The following RBFOX3 variants were observed in gnomAD, a reference collection of about 807,000 sequenced individuals.
The protein encoded by RBFOX3 is RNA binding fox-1 homolog 3.
In RBFOX3, 17 loss-of-function variants were observed where a neutral mutation model predicts 48.7. The ratio of observed to expected loss-of-function variants is 0.35; its 90% confidence interval spans 0.24 to 0.52. The LOEUF (loss-of-function observed/expected upper bound fraction) is 0.52, where lower values mean the gene tolerates loss of function less well. Ranked by LOEUF, RBFOX3 falls within the 20% of genes least tolerant of loss-of-function variation. The pLI is 0.94. For missense variants in RBFOX3, 382 were observed against 497.5 expected (o/e 0.77, Z 2.21); for synonymous variants, 212 against 209.5 (o/e 1.01, Z -0.10).
At chr17:79,619,682 A>G in the RBFOX3 span, among the ~76,000 whole-genome samples, 1 of 152,064 alleles carries the variant, frequency 6.6e-6, no homozygotes, top group Non-Finnish European at 1.5e-5. Flanking sequence ...AGGGCTTGTG[A>G]AGGGACTCAG....
intron 5 of RBFOX3, among the ~76,000 whole-genome samples, chr17:79,112,877 C>G (rs1326468314): frequency 8.3e-6 from 1 of 120,046 alleles, no homozygotes; most frequent in African/African-American, 3.2e-5. Context: ...GTGCCCTGAC[C>G]TGGTGCCAAC....
In RBFOX3 at chr17:79,199,657, G is replaced by T. The variant is rs549852573; in HGVS notation, c.-34+36109C>A. On this transcript the variant is annotated intron_variant, in intron 4 of 14. Transcript: ENST00000693108. This position sits in a 1 kb window ranked among gnomAD's most constrained non-coding sequence, Gnocchi z 5.1. ...TTTAATTAAACTCCAATAAAAGTGA[G>T]GCTCAGTCCCTTTGTTGCATGAGCT... Among the ~76,000 whole-genome samples, 1 of 152,174 alleles carries T rather than the reference G, an allele frequency of 6.6e-6. No homozygotes were observed. Among genetic ancestry groups the T allele is most frequent in the Non-Finnish European group, 1.5e-5 (1 of 68,028 alleles).
intron 2 of RBFOX3, among the ~76,000 whole-genome samples, chr17:79,478,313 CG>C (rs1469163100): frequency 1.3e-5 from 2 of 152,146 alleles, no homozygotes; most frequent in African/African-American, 2.4e-5. Context: ...GGGTGGGGGC[CG>C]GGGTGGATGG....
chr17:79,356,676 A>AT lies in RBFOX3; in HGVS notation c.-174-48853dup, dbSNP rs58753103. 7.2e-3 allele frequency among the ~76,000 whole-genome samples: 1,055 copies of AT among 147,312 alleles called. 13 individuals are homozygous for AT. Among genetic ancestry groups the AT allele is most frequent in the Admixed American group, 0.012 (177 of 14,848 alleles). Reference sequence around the variant, plus strand: ...GAGCCACTGTGCCCAGCCAGTTTTGATTTTTTTTTTTATGCCATCAGAGAA... The same window carrying AT: ...GAGCCACTGTGCCCAGCCAGTTTTGATTTTTTTTTTTTATGCCATCAGAGAA... On this transcript the variant is annotated intron_variant, in intron 2 of 14. Transcript: ENST00000693108.
chr17:79,536,108 ACT>A (rs2088693045), intron 1 of RBFOX3, among the ~76,000 whole-genome samples: 1 of 151,976 alleles, frequency 6.6e-6, no homozygotes, highest in African/African-American at 2.4e-5. Context: ...AGACACCCTC[ACT>A]CTGTCACCCA....
At chr17:79,246,707 T>G (rs974759288) in intron 3 of RBFOX3, among the ~76,000 whole-genome samples, 2 of 152,150 alleles carry the variant, frequency 1.3e-5, no homozygotes, top group East Asian at 3.9e-4. Flanking sequence ...CCGACATCCC[T>G]TGGAGAGATG....
chr17:79,181,109 T>C (rs1045232920), intron 4 of RBFOX3, among the ~76,000 whole-genome samples: 4 of 152,176 alleles, frequency 2.6e-5, no homozygotes, highest in African/African-American at 9.7e-5. Context: ...CTCTACTTCA[T>C]CTTAACTCAG....
At chr17:79,226,542 C>A (rs2060329824) in intron 4 of RBFOX3, among the ~76,000 whole-genome samples, 2 of 152,212 alleles carry the variant, frequency 1.3e-5, no homozygotes, top group African/African-American at 2.4e-5. Context: ...TGTGACTGCA[C>A]CCAGTGTGTC....
intron 1 of RBFOX3, among the ~76,000 whole-genome samples, chr17:79,580,262 GTCCTCCTCCTCCCCCCCCA>G (rs1463022912): frequency 4.5e-4 from 14 of 30,958 alleles, no homozygotes; most frequent in African/African-American, 1.6e-3. Context: ...TCCTCCCCCC[GTCCTCCTCCTCCCCCCCCA>G]TCCTCCTCCT....
At chr17:79,130,368 G>A (rs773252268) in intron 4 of RBFOX3, among the ~76,000 whole-genome samples, 5 of 152,172 alleles carry the variant, frequency 3.3e-5, no homozygotes, top group Non-Finnish European at 5.9e-5. Context: ...CTGTGGGTGA[G>A]CAGGGCTCCG....
Position 79,222,130 on chromosome 17 carries a change from C to T in RBFOX3, c.-34+13636G>A, listed in dbSNP as rs8080803. ...TTTCTACTGCTGCTTGATTTCTACC[C>T]GCAGCCTGATTTCTACCTGCTGCCT... On this transcript the variant is annotated intron_variant, in intron 4 of 14. Coordinates refer to ENST00000693108, the MANE Select transcript of RBFOX3 (RefSeq NM_001350451.2). Among the ~76,000 whole-genome samples, 195 of 112,708 alleles carry T rather than the reference C, an allele frequency of 1.7e-3. 1 individual carries two copies. Among genetic ancestry groups the T allele is most frequent in the African/African-American group, 0.012 (180 of 15,606 alleles). 73.9% of individuals were successfully genotyped at this position (112,708 alleles called of 152,430 possible). A position where few individuals can be genotyped will look rare whatever the true frequency, so the allele number is the denominator to read the frequency against.
intron 1 of RBFOX3, among the ~76,000 whole-genome samples, chr17:79,520,903 T>C (rs1270790756): frequency 6.6e-6 from 1 of 152,228 alleles, no homozygotes. Flanking sequence ...ACACGAATTA[T>C]AGTCCTCAGA....
At chr17:79,567,564 G>C (rs1334387780) in intron 1 of RBFOX3, among the ~76,000 whole-genome samples, 6 of 147,430 alleles carry the variant, frequency 4.1e-5, no homozygotes, top group Non-Finnish European at 8.9e-5. Context: ...TAAATGACAG[G>C]TTTCCCTGAT....
At chr17:79,497,490 A>G (rs1381390890) in intron 1 of RBFOX3, among the ~76,000 whole-genome samples, 2 of 152,176 alleles carry the variant, frequency 1.3e-5, no homozygotes, top group African/African-American at 4.8e-5. Flanking sequence ...AAAGTGTCTC[A>G]TACGTAGTAC....
At chr17:79,321,901 T>TTAG (rs1555668739) in intron 2 of RBFOX3, among the ~76,000 whole-genome samples, 19 of 152,122 alleles carry the variant, frequency 1.2e-4, no homozygotes, top group Non-Finnish European at 2.5e-4. Flanking sequence ...AGATGGGGTT[T>TTAG]CACCATGTTG....
At chr17:79,511,376 G>A (rs1180006411) in intron 1 of RBFOX3, among the ~76,000 whole-genome samples, 1 of 152,180 alleles carries the variant, frequency 6.6e-6, no homozygotes, top group Non-Finnish European at 1.5e-5. Context: ...CGGGGCTGGG[G>A]ACACAAAGAC....
In RBFOX3 at chr17:79,315,078, A is replaced by C. The variant is rs575048240; in HGVS notation, c.-174-7254T>G. Among the ~76,000 whole-genome samples, 8 of 152,288 alleles carry C rather than the reference A, an allele frequency of 5.3e-5. No homozygotes were observed. The South Asian group carries it at 1.7e-3, about 32-fold the overall frequency. ...CCCGCTGCAGGAGTGAGAGACCCTG[A>C]TTATACATGCGTGACACAAAGCTGG... On this transcript the variant is annotated intron_variant, in intron 2 of 14. Coordinates refer to ENST00000693108, the MANE Select transcript of RBFOX3 (RefSeq NM_001350451.2).
the RBFOX3 span, among the ~76,000 whole-genome samples, chr17:79,628,363 G>A: frequency 6.6e-6 from 1 of 152,134 alleles, no homozygotes; most frequent in African/African-American, 2.4e-5. Flanking sequence ...CCCCTGGATT[G>A]TGGGACACCA....
chr17:79,169,101 A>C (rs2048615780), intron 4 of RBFOX3, among the ~76,000 whole-genome samples: 1 of 152,000 alleles, frequency 6.6e-6, no homozygotes, highest in African/African-American at 2.4e-5. Flanking sequence ...GCCCAGCTGC[A>C]CAGGGCGGAT....
Sources: gnomAD v4.1 joint callset for allele counts (sites outside exome capture counted in the v4.1 genomes callset) on GRCh38, gnomAD v4.1.1 for gene constraint, Gnocchi (gnomAD v3.1) non-coding constraint, MANE v1.5 for transcripts, NCBI Gene and HGNC (gene_info 2026-07-23, HGNC 2026-07-21) for gene names.